Variants in NCOA7 observed in about 807,000 individuals in gnomAD.
NCOA7 encodes nuclear receptor coactivator 7.
In NCOA7, 45 loss-of-function variants were observed where a neutral mutation model predicts 104.3. The ratio of observed to expected loss-of-function variants is 0.43; its 90% CI spans 0.34 to 0.55. NCOA7 has a LOEUF of 0.55. NCOA7 is among the 20% of genes least tolerant of loss of function. The pLI is 0.02. For missense variants in NCOA7, 1,041 were observed against 1,119.7 expected, an observed-to-expected ratio of 0.93 and a Z score of 1.00; for synonymous variants, 398 against 402.3, an observed-to-expected ratio of 0.99 and a Z score of 0.13.
chr6:125,885,435 G>A (rs1784178704), intron 8 of NCOA7, 92 bp downstream of exon 8: 4 of 1,222,814 alleles, frequency 3.3e-6, no homozygotes, highest in Non-Finnish European at 3.4e-6. Flanking sequence ...TTGAGGGATT[G>A]TGTAGAGGTG....
At chr6:125,796,069 C>T (rs1194587141) in intron 1 of NCOA7, among the ~76,000 whole-genome samples, 1 of 152,100 alleles carries the variant, frequency 6.6e-6, no homozygotes, top group Non-Finnish European at 1.5e-5. Context: ...ACTCTCATTT[C>T]TGGTGTCATC....
chr6:125,820,042 T>C (rs534763586), intron 2 of NCOA7, among the ~76,000 whole-genome samples: 2 of 152,244 alleles, frequency 1.3e-5, no homozygotes, highest in East Asian at 3.9e-4. Context: ...TGGGTGTTCA[T>C]GTAGGTCCCT....
chr6:125,858,681 CA>C (rs1374315411), intron 3 of NCOA7, among the ~76,000 whole-genome samples: 1 of 151,480 alleles, frequency 6.6e-6, no homozygotes, highest in Non-Finnish European at 1.5e-5. Context: ...TCAAGAATAA[CA>C]ATGATAGCAA....
chr6:125,908,408 G>A (rs1451882986), intron 10 of NCOA7, among the ~76,000 whole-genome samples: 1 of 152,144 alleles, frequency 6.6e-6, no homozygotes, highest in Non-Finnish European at 1.5e-5. Context: ...TCCTAAAATG[G>A]TTATGGCAAG....
chr6:125,785,229 T>C (rs1774409980), intron 1 of NCOA7, among the ~76,000 whole-genome samples: 1 of 152,018 alleles, frequency 6.6e-6, no homozygotes, highest in African/African-American at 2.4e-5. Flanking sequence ...TCGCAGCTAC[T>C]CGGGAAGCTA....
At chr6:125,928,022 A>C (rs1473113070) in intron 14 of NCOA7, 152 bp from the exon 15 acceptor site, 2 of 770,728 alleles carry the variant, frequency 2.6e-6, no homozygotes, top group Non-Finnish European at 4.3e-6. Context: ...GGGAGATCTC[A>C]TCCTGGTGTG....
upstream of NCOA7, among the ~76,000 whole-genome samples, chr6:125,787,980 C>T (rs963121977): frequency 1.5e-4 from 23 of 152,108 alleles, no homozygotes; most frequent in African/African-American, 4.8e-4. Flanking sequence ...AAGTAGTTTA[C>T]CCAAGGTCAG....
chr6:125,814,683 C>G (rs1047152105), intron 1 of NCOA7, among the ~76,000 whole-genome samples: 1 of 151,944 alleles, frequency 6.6e-6, no homozygotes, highest in South Asian at 2.1e-4. Context: ...TGCTGGCAAG[C>G]GTGGGTGAGG....
At chr6:125,834,220 T>C (rs1779422950) in intron 2 of NCOA7, among the ~76,000 whole-genome samples, 1 of 152,222 alleles carries the variant, frequency 6.6e-6, no homozygotes, top group Admixed American at 6.5e-5. Context: ...ATTATTTGTG[T>C]GTCTGAAATC....
intron 2 of NCOA7, among the ~76,000 whole-genome samples, chr6:125,838,374 A>C (rs996636883): frequency 6.6e-6 from 1 of 152,160 alleles, no homozygotes; most frequent in Non-Finnish European, 1.5e-5. Context: ...CAGCCATCAG[A>C]GAGGATAGGT....
chr6:125,878,147 A>G (rs566612172), intron 4 of NCOA7, 116 bp from the exon 5 acceptor site: 8 of 542,888 alleles, frequency 1.5e-5, no homozygotes, highest in East Asian at 9.7e-5. Flanking sequence ...CTTATAGTCT[A>G]TCTTGATGGA....
chr6:125,788,062 T>G (rs990845871), upstream of NCOA7, among the ~76,000 whole-genome samples: 2 of 152,222 alleles, frequency 1.3e-5, no homozygotes, highest in Non-Finnish European at 2.9e-5. Context: ...AGAAGTACAC[T>G]TTCTACTGAG....
At chr6:125,873,530 A>G (rs141326044) in intron 3 of NCOA7, among the ~76,000 whole-genome samples, 22 of 152,214 alleles carry the variant, frequency 1.4e-4, no homozygotes, top group African/African-American at 5.1e-4. Flanking sequence ...TTGCTCTGGA[A>G]TCTCAGAGCT....
chr6:125,921,835 T>C (rs1006872964), intron 12 of NCOA7, among the ~76,000 whole-genome samples: 3 of 152,210 alleles, frequency 2.0e-5, no homozygotes, highest in Non-Finnish European at 4.4e-5. Context: ...ATTTTCTTTG[T>C]GTATTTTAGT....
At chr6:125,843,008 A>G (rs1328944603) in intron 2 of NCOA7, among the ~76,000 whole-genome samples, 1 of 152,228 alleles carries the variant, frequency 6.6e-6, no homozygotes, top group Admixed American at 6.5e-5. Flanking sequence ...TTTGTAACAT[A>G]AAAGCTAAGT....
At chr6:125,880,240 T>C (rs1783708087) in intron 5 of NCOA7, among the ~76,000 whole-genome samples, 1 of 152,166 alleles carries the variant, frequency 6.6e-6, no homozygotes, top group Non-Finnish European at 1.5e-5. Flanking sequence ...ATTTATCATA[T>C]AAGGACCTAC....
At chr6:125,828,948 C>G (rs1778902463) in intron 2 of NCOA7, among the ~76,000 whole-genome samples, 1 of 152,130 alleles carries the variant, frequency 6.6e-6, no homozygotes, top group South Asian at 2.1e-4. Context: ...GAGCCAGGGT[C>G]TCTTCCTACT....
chr6:125,861,265 A>T (rs180994842), intron 3 of NCOA7, among the ~76,000 whole-genome samples: 1 of 152,200 alleles, frequency 6.6e-6, no homozygotes, highest in African/African-American at 2.4e-5. Flanking sequence ...ACACTTTTCC[A>T]TACACAGATT....
At chr6:125,855,330 T>C (rs1781464106) in intron 3 of NCOA7, 90 bp downstream of exon 3, 1 of 1,044,680 alleles carries the variant, frequency 9.6e-7, no homozygotes, top group East Asian at 2.5e-5. Context: ...ATCATAATAA[T>C]GGTAACAGTT....
Sources: gnomAD v4.1 joint callset for allele counts (sites outside exome capture counted in the v4.1 genomes callset) on GRCh38, gnomAD v4.1.1 for gene constraint, MANE v1.5 for transcripts, NCBI Gene and HGNC (gene_info 2026-07-23, HGNC 2026-07-21) for gene names.